The following TLK1 variants were observed in gnomAD, a reference collection of about 807,000 sequenced individuals.
TLK1 encodes the protein tousled like kinase 1.
A neutral mutation model predicts 105.3 loss-of-function variants in TLK1; 24 were observed. The ratio of observed to expected loss-of-function variants is 0.23; its 90% confidence interval spans 0.17 to 0.32. The LOEUF is 0.32. Among genes scored for constraint, TLK1 ranks in the 10% least tolerant of loss-of-function variants. The probability of loss-of-function intolerance (pLI) is 1.00; values close to 1 mark genes in which losing one functional copy is unlikely to be tolerated. For missense variants in TLK1, 558 were observed against 910.5 expected (o/e 0.61, Z 4.98); for synonymous variants, 321 against 310.4 (o/e 1.03, Z -0.36).
At chr2:171,180,666 T>C (rs1692912386) in intron 1 of TLK1, among the ~76,000 whole-genome samples, 1 of 152,196 alleles carries the variant, frequency 6.6e-6, no homozygotes, top group African/African-American at 2.4e-5. Context: ...TGTTACAAAG[T>C]TTCAGTAGTC....
chr2:171,148,879 T>TTA (rs1691901167), intron 1 of TLK1, among the ~76,000 whole-genome samples: 1 of 103,950 alleles, frequency 9.6e-6, no homozygotes, highest in African/African-American at 4.5e-5. Flanking sequence ...GACTCTGTCT[T>TTA]AAAAAAAAAA....
intron 18 of TLK1, among the ~76,000 whole-genome samples, chr2:171,005,766 T>A (rs1309491458): frequency 6.6e-6 from 1 of 152,192 alleles, no homozygotes; most frequent in Non-Finnish European, 1.5e-5. Flanking sequence ...CAGAGAGGGC[T>A]TGATGCTTGC....
chr2:171,139,122 T>TACAG (rs538567395), intron 1 of TLK1, among the ~76,000 whole-genome samples: 358 of 152,232 alleles, frequency 2.4e-3, no homozygotes, highest in Middle Eastern at 3.4e-3. Flanking sequence ...AAGAATTGAG[T>TACAG]ACAGAGCTGA....
intron 1 of TLK1, among the ~76,000 whole-genome samples, chr2:171,137,831 A>G (rs965702545): frequency 8.3e-5 from 10 of 120,416 alleles, no homozygotes; most frequent in African/African-American, 4.2e-4. Flanking sequence ...CCTGGGTGAC[A>G]GAGTGAGACT....
chr2:171,162,124 G>A (rs1277545203), upstream of TLK1, among the ~76,000 whole-genome samples: 2 of 152,150 alleles, frequency 1.3e-5, no homozygotes, highest in Non-Finnish European at 1.5e-5. Context: ...AATTGTAGTT[G>A]CCTTGTGCTT....
chr2:171,065,579 C>T (rs1224015433), intron 3 of TLK1, among the ~76,000 whole-genome samples: 1 of 151,970 alleles, frequency 6.6e-6, no homozygotes, highest in Non-Finnish European at 1.5e-5. Flanking sequence ...GCTCTGTCGC[C>T]CAGGCTGGAG....
chr2:171,046,206 ATT>A lies in TLK1; in HGVS notation c.1135_1136del (p.Asn379Ter), dbSNP rs1305289366. On this transcript the variant is annotated frameshift_variant, in exon 11 of 21. Coordinates refer to ENST00000431350, the MANE Select transcript of TLK1 (RefSeq NM_012290.5). LOFTEE classifies it high-confidence loss of function. ...RKNKAVNGAE[N>X]DPFVRPNLPQ... ...GTAAATTTGGTCTAACAAAGGGATCATTCTCTGCTCCATTGACTGCTTTGTTT... is the reference window on the plus strand; with the variant it reads ...GTAAATTTGGTCTAACAAAGGGATCACTCTGCTCCATTGACTGCTTTGTTT... The A allele has an allele frequency of 6.2e-7, 1 of 1,603,340 alleles. No individual in the cohort carries two copies. Among genetic ancestry groups the A allele is most frequent in the South Asian group, 1.1e-5 (1 of 88,608 alleles).
At chr2:171,150,948 G>GT (rs1298946746) in intron 1 of TLK1, among the ~76,000 whole-genome samples, 1 of 152,070 alleles carries the variant, frequency 6.6e-6, no homozygotes, top group Non-Finnish European at 1.5e-5. Flanking sequence ...ACAGAATAGT[G>GT]TAACTGTTAA....
chr2:171,144,621 A>G (rs1259953060), intron 1 of TLK1, among the ~76,000 whole-genome samples: 2 of 152,196 alleles, frequency 1.3e-5, no homozygotes, highest in Non-Finnish European at 2.9e-5. Flanking sequence ...TGAGATGAAT[A>G]AAAACAAAAA....
Position 171,049,834 on chromosome 2 carries a change from A to G in TLK1, c.960T>C (p.Phe320=). ...ASFTEQWTDG[F]AFQNLVKQQE... ...CTAACTTCACAAGATTCTGAAATGC[A>G]AAACCATCTGTCCATTGTTCAGTAA... Residue 320 remains phenylalanine, a synonymous_variant, in exon 10 of 21, where the codon TTT becomes TTC. Coordinates refer to ENST00000431350, the MANE Select transcript of TLK1 (RefSeq NM_012290.5). 1 of 1,613,910 alleles carries G rather than the reference A, an allele frequency of 6.2e-7. No homozygotes were observed. Among genetic ancestry groups the G allele is most frequent in the Non-Finnish European group, 8.5e-7 (1 of 1,179,896 alleles).
chr2:171,131,482 C>G (rs1293371906), intron 1 of TLK1, among the ~76,000 whole-genome samples: 1 of 152,116 alleles, frequency 6.6e-6, no homozygotes, highest in Admixed American at 6.5e-5. Flanking sequence ...TAGTCATATG[C>G]CTGGTTGGCC....
chr2:171,050,289 C>G lies in TLK1; in HGVS notation c.733-115G>C, dbSNP rs1037543602. On this transcript the variant is annotated intron_variant, in intron 8 of 20. Coordinates refer to ENST00000431350, the MANE Select transcript of TLK1 (RefSeq NM_012290.5). ...AGATAGGACTAATAATATTAAATAT[C>G]TGAGTATGATACGAGAAAAAAAAAA... 33 of 617,196 alleles carry G rather than the reference C, an allele frequency of 5.3e-5. No individual in the cohort carries two copies. In the African/African-American group the frequency reaches 5.6e-4, roughly 10 times the overall value. The allele number at this position is 617,196 out of a possible 1,614,324, so 38.2% of individuals were successfully genotyped here. A position where few individuals can be genotyped will look rare whatever the true frequency, so the allele number is the denominator to read the frequency against.
chr2:171,084,473 G>A lies in TLK1; in HGVS notation c.259-1621C>T, dbSNP rs187857024. ...TAAAGAAGGGAGGGAACACAGCCTA[G>A]CAATCTCAGAAAGCAAATGCCACAG... On this transcript the variant is annotated intron_variant, in intron 2 of 20. Coordinates refer to ENST00000431350, the MANE Select transcript of TLK1 (RefSeq NM_012290.5). Among the ~76,000 whole-genome samples, 61 of 152,254 alleles carry A rather than the reference G, an allele frequency of 4.0e-4. 1 individual carries two copies. The East Asian group carries it at 5.8e-3, about 14-fold the overall frequency.
At chr2:171,135,319 G>GTATA (rs201751767) in intron 1 of TLK1, among the ~76,000 whole-genome samples, 3,652 of 70,138 alleles carry the variant, frequency 0.052, 92 homozygotes, top group Admixed American at 0.1. Flanking sequence ...GTGTGTGTGT[G>GTATA]TATATATATA....
intron 1 of TLK1, among the ~76,000 whole-genome samples, chr2:171,131,872 G>A (rs1171382532): frequency 1.3e-5 from 2 of 151,204 alleles, no homozygotes; most frequent in Admixed American, 6.6e-5. Context: ...ATTTTATACA[G>A]TGGTAGCCCC....
intron 2 of TLK1, among the ~76,000 whole-genome samples, chr2:171,086,972 A>G (rs1373031191): frequency 6.6e-6 from 1 of 152,188 alleles, no homozygotes; most frequent in Non-Finnish European, 1.5e-5. Context: ...AGATAAGACT[A>G]AAACAACTAG....
At chr2:171,040,294 T>C (rs558888051) in intron 11 of TLK1, among the ~76,000 whole-genome samples, 20 of 152,304 alleles carry the variant, frequency 1.3e-4, no homozygotes, top group African/African-American at 3.1e-4. Flanking sequence ...TCAAAACCCA[T>C]AGAATGTACA....
intron 1 of TLK1, among the ~76,000 whole-genome samples, chr2:171,144,242 A>G (rs1327562269): frequency 6.6e-6 from 1 of 152,230 alleles, no homozygotes; most frequent in Non-Finnish European, 1.5e-5. Flanking sequence ...GGAAGAATTA[A>G]ATGGCCCACT....
intron 1 of TLK1, among the ~76,000 whole-genome samples, chr2:171,168,406 T>C (rs944054569): frequency 2.0e-5 from 3 of 152,200 alleles, no homozygotes; most frequent in Non-Finnish European, 1.5e-5. Context: ...ACAGTCAAAA[T>C]GCCACCATGA....
Sources: gnomAD v4.1 joint callset for allele counts (sites outside exome capture counted in the v4.1 genomes callset) on GRCh38, gnomAD v4.1.1 for gene constraint, MANE v1.5 for transcripts, NCBI Gene and HGNC (gene_info 2026-07-23, HGNC 2026-07-21) for gene names.